The following SEMA6B variants were observed in gnomAD, a reference collection of about 807,000 sequenced individuals.
SEMA6B encodes semaphorin 6B.
In SEMA6B, 47 loss-of-function variants were observed where a neutral mutation model predicts 78.6. The observed-to-expected ratio is 0.60, with a 90% CI of 0.47 to 0.76. SEMA6B has a LOEUF of 0.76. Ranked by LOEUF, SEMA6B falls within the 30% of genes least tolerant of loss-of-function variation. The pLI is 0.00. For missense variants in SEMA6B, 1,213 were observed against 1,269.9 expected (o/e 0.96, Z 0.68); for synonymous variants, 632 against 592.2 (o/e 1.07, Z -0.98).
chr19:4,557,937 TC>T, intron 3 of SEMA6B, 88 bp downstream of exon 3: 1 of 1,159,168 alleles, frequency 8.6e-7, no homozygotes. Flanking sequence ...CACGACCTGC[TC>T]CATCCCCTCC....
chr19:4,547,066 C>T lies in SEMA6B; in HGVS notation c.1602-597G>A, dbSNP rs1210290609. 2.6e-5 allele frequency among the ~76,000 whole-genome samples: 4 copies of T among 151,814 alleles called. No homozygotes were observed. In the East Asian group the frequency reaches 7.7e-4, roughly 29 times the overall value. On this transcript the variant is annotated intron_variant, in intron 14 of 16. Coordinates refer to ENST00000586582, the MANE Select transcript of SEMA6B (RefSeq NM_032108.4). ...CCTCAACCTCCCAGGCTCAAGTGATCCTCCTGCCTCAGCTTTCTGGGTAGC... is the reference window on the plus strand; with the variant it reads ...CCTCAACCTCCCAGGCTCAAGTGATTCTCCTGCCTCAGCTTTCTGGGTAGC...
In SEMA6B at chr19:4,544,219, G is replaced by T; in HGVS notation, c.2049C>A (p.Pro683=). 3 of 1,274,726 alleles carry T rather than the reference G, an allele frequency of 2.4e-6. No homozygotes were observed. The highest frequency in any genetic ancestry group is 2.6e-5 in the South Asian group (1 of 39,156). The allele number at this position is 1,274,726 out of a possible 1,614,324, so 79.0% of individuals were successfully genotyped here. Residue 683 remains proline (P), a synonymous_variant, in exon 17 of 17, where the codon CCC becomes CCA. Coordinates refer to ENST00000586582, the MANE Select transcript of SEMA6B (RefSeq NM_032108.4). The surrounding 1 kb of genome is among the most constrained non-coding windows in gnomAD (Gnocchi z 5.1). ...CCTTGGCCCAGCCGTTCTGCATCAG[G>T]GGCGCCAGCAGGGCCTCCGGGGGAA... is the stretch of plus-strand genomic sequence containing the variant. ...AGVPPEALLA[P]LMQNGWAKAT...
chr19:4,546,527 TG>T, intron 14 of SEMA6B, 58 bp from the exon 15 acceptor site: 2 of 1,226,096 alleles, frequency 1.6e-6, no homozygotes, highest in Non-Finnish European at 1.1e-6. Context: ...ACAACCCCAA[TG>T]GTGATGGTGA....
intron 14 of SEMA6B, among the ~76,000 whole-genome samples, chr19:4,547,359 C>G (rs8105192): frequency 0.62 from 94,071 of 152,108 alleles, 30,489 homozygotes; most frequent in East Asian, 0.88. Flanking sequence ...AGCAAACTGA[C>G]GCTCCAGAAA....
In SEMA6B at chr19:4,544,545, A is replaced by T; in HGVS notation, c.1739-16T>A. ...CGCAGGAGTCCTGGCCGGGGAGCAC[A>T]GGGGGGTTAGTGGGGCCGGCGGGGT... On this transcript the variant is annotated splice_polypyrimidine_tract_variant and intron_variant, in intron 16 of 16. Transcript: ENST00000586582. The surrounding 1 kb of genome is among the most constrained non-coding windows in gnomAD (Gnocchi z 5.1). 1.4e-6 allele frequency: 2 copies of T among 1,472,698 alleles called. No homozygotes were observed. Among genetic ancestry groups the T allele is most frequent in the African/African-American group, 2.9e-5 (2 of 68,802 alleles). The allele number at this position is 1,472,698 out of a possible 1,614,324, so 91.2% of individuals were successfully genotyped here.
In SEMA6B at chr19:4,558,706, C is replaced by T. The variant is rs1222288112; in HGVS notation, c.-32-217G>A. On this transcript the variant is annotated intron_variant, in intron 1 of 16. Transcript: ENST00000586582. This position sits in a 1 kb window ranked among gnomAD's most constrained non-coding sequence, Gnocchi z 5.1. ...CACGTGTGCGTGAAAGCCCAGGAAACGACTTCAAACAAAACTGCATTCGGT... is the reference window on the plus strand; with the variant it reads ...CACGTGTGCGTGAAAGCCCAGGAAATGACTTCAAACAAAACTGCATTCGGT... Among the ~76,000 whole-genome samples, 3 of 152,082 alleles carry T rather than the reference C, an allele frequency of 2.0e-5. No homozygotes were observed. Among genetic ancestry groups the T allele is most frequent in the Non-Finnish European group, 4.4e-5 (3 of 68,036 alleles).
At chr19:4,556,189 T>C (rs951464167) in intron 5 of SEMA6B, 100 bp from the exon 6 acceptor site, 18 of 815,862 alleles carry the variant, frequency 2.2e-5, no homozygotes, top group African/African-American at 1.0e-4. Context: ...GGCCGGTCTG[T>C]TGTGGGCATG....
intron 10 of SEMA6B, among the ~76,000 whole-genome samples, chr19:4,551,762 G>A (rs983178544): frequency 2.4e-4 from 37 of 151,662 alleles, no homozygotes; most frequent in Non-Finnish European, 4.7e-4. Context: ...CCAGGAGGCA[G>A]AGGTTGTGGT....
rs563973181 is a variant in SEMA6B, at chr19:4,558,289, A to T, written c.121+48T>A. ...GCAGCAGACCCAACTGGGAACCCAG[A>T]TACTCCCACGGGACTCCACCCCCGC... is the stretch of plus-strand genomic sequence containing the variant. On this transcript the variant is annotated intron_variant, in intron 2 of 16. Transcript: ENST00000586582. This position sits in a 1 kb window ranked among gnomAD's most constrained non-coding sequence, Gnocchi z 5.1. The T allele has an allele frequency of 3.0e-6, 4 of 1,312,350 alleles. No homozygotes were observed. In the South Asian group the frequency reaches 1.1e-4, roughly 35 times the overall value. The allele number at this position is 1,312,350 out of a possible 1,614,324, so 81.3% of individuals were successfully genotyped here.
Position 4,550,364 on chromosome 19 carries a change from C to T in SEMA6B, c.1122-92G>A. ...AGGTACCCATTGCTTTGCCCAACGA[C>T]CCTCAGGTTTTTTGTTTGTTTTGTT... On this transcript the variant is annotated intron_variant, in intron 11 of 16. Transcript: ENST00000586582. The surrounding 1 kb of genome is among the most constrained non-coding windows in gnomAD (Gnocchi z 6.6). 3 of 1,404,906 alleles carry T rather than the reference C, an allele frequency of 2.1e-6. No individual in the cohort carries two copies. Among genetic ancestry groups the T allele is most frequent in the Non-Finnish European group, 2.9e-6 (3 of 1,019,776 alleles). The allele number at this position is 1,404,906 out of a possible 1,614,324, so 87.0% of individuals were successfully genotyped here. A position where few individuals can be genotyped will look rare whatever the true frequency, so the allele number is the denominator to read the frequency against.
Position 4,555,219 on chromosome 19 carries a change from G to A in SEMA6B, c.563-124C>T. 1 of 1,095,378 alleles carries A rather than the reference G, an allele frequency of 9.1e-7. No individual in the cohort carries two copies. Among genetic ancestry groups the A allele is most frequent in the Non-Finnish European group, 1.3e-6 (1 of 761,676 alleles). 67.9% of individuals were successfully genotyped at this position (1,095,378 alleles called of 1,614,324 possible). ...CTAGGGGAGCCCCTGTCTCCAGGCT[G>A]AGCCCTGATCCCATCCAAGCCCCAC... On this transcript the variant is annotated intron_variant, in intron 7 of 16. Transcript: ENST00000586582. This position sits in a 1 kb window ranked among gnomAD's most constrained non-coding sequence, Gnocchi z 6.1.
chr19:4,556,047 C>T lies in SEMA6B; in HGVS notation c.412G>A (p.Glu138Lys). Residue 138 changes from glutamate to lysine, a missense_variant, in exon 6 of 17, where the codon GAG becomes AAG. Transcript: ENST00000586582. ...GAACCGCACACAAAGAGCGTGGACTCGTCCCGAAGGAGCAGCACCTTTACG... is the reference window on the plus strand; with the variant it reads ...GAACCGCACACAAAGAGCGTGGACTTGTCCCGAAGGAGCAGCACCTTTACG... ...NFVKVLLLRD[E>K]STLFVCGSNA... 1 of 1,614,132 alleles carries T rather than the reference C, an allele frequency of 6.2e-7. No homozygotes were observed. The highest frequency in any genetic ancestry group is 2.2e-5 in the East Asian group (1 of 44,880).
chr19:4,557,309 A>T, intron 3 of SEMA6B, 86 bp from the exon 4 acceptor site: 1 of 914,842 alleles, frequency 1.1e-6, no homozygotes, highest in Non-Finnish European at 1.7e-6. Context: ...TGGTGTGCAC[A>T]CGGGGGCATG....
Position 4,552,016 on chromosome 19 carries a change from C to A in SEMA6B, c.989+406G>T, listed in dbSNP as rs1477154634. On this transcript the variant is annotated intron_variant, in intron 10 of 16. Transcript: ENST00000586582. The surrounding 1 kb of genome is among the most constrained non-coding windows in gnomAD (Gnocchi z 7.4). ...TCCCTGCTTTCCTGTTGTGCATTCTCCCCTAGTTCCCTTCCCACACAGACT... is the reference window on the plus strand; with the variant it reads ...TCCCTGCTTTCCTGTTGTGCATTCTACCCTAGTTCCCTTCCCACACAGACT... Among the ~76,000 whole-genome samples, 2 of 152,154 alleles carry A rather than the reference C, an allele frequency of 1.3e-5. No homozygotes were observed. Among genetic ancestry groups the A allele is most frequent in the African/African-American group, 2.4e-5 (1 of 41,428 alleles).
chr19:4,546,647 G>A (rs1977176487), intron 14 of SEMA6B, among the ~76,000 whole-genome samples, 178 bp from the exon 15 acceptor site: 1 of 152,008 alleles, frequency 6.6e-6, no homozygotes, highest in Non-Finnish European at 1.5e-5. Flanking sequence ...TTTTTGAGAT[G>A]GAATTTCGCT....
Position 4,555,397 on chromosome 19 carries a change from C to G in SEMA6B, c.562+77G>C. On this transcript the variant is annotated intron_variant, in intron 7 of 16. Coordinates refer to ENST00000586582, the MANE Select transcript of SEMA6B (RefSeq NM_032108.4). The surrounding 1 kb of genome is among the most constrained non-coding windows in gnomAD (Gnocchi z 6.1). ...GGTCGTCCAGCTGCCTTCTAAACAA[C>G]CCAGACGCTGGAGTAGAAAATGCCA... The G allele has an allele frequency of 1.5e-6, 2 of 1,327,994 alleles. No homozygotes were observed. Among genetic ancestry groups the G allele is most frequent in the South Asian group, 2.6e-5 (2 of 76,972 alleles). 82.3% of individuals were successfully genotyped at this position (1,327,994 alleles called of 1,614,324 possible).
rs1977415243 is a variant in SEMA6B at position 4,554,408 on chromosome 19, C to T, written c.751G>A (p.Glu251Lys). 1 of 1,613,958 alleles carries T rather than the reference C, an allele frequency of 6.2e-7. No individual in the cohort carries two copies. Among genetic ancestry groups the T allele is most frequent in the Non-Finnish European group, 8.5e-7 (1 of 1,179,930 alleles). Residue 251 changes from glutamate to lysine, a missense_variant, in exon 9 of 17, where the codon GAG (glutamate) becomes AAG (lysine). Glu to Lys is a moderately conservative substitution (Grantham distance 56). Coordinates refer to ENST00000586582, the MANE Select transcript of SEMA6B (RefSeq NM_032108.4). ...VYFFFREIAM[E>K]FNYLEKVVVS... Reference sequence around the variant, plus strand: ...CTCACCTTCTCCAGGTAGTTAAACTCCATCGCAATCTCCCGGAAGAAGAAG... The same window carrying T: ...CTCACCTTCTCCAGGTAGTTAAACTTCATCGCAATCTCCCGGAAGAAGAAG...
In SEMA6B at chr19:4,548,367, C is replaced by T; in HGVS notation, c.1350G>A (p.Glu450=). 6.2e-7 allele frequency: 1 copy of T among 1,613,912 alleles called. No individual in the cohort carries two copies. Among genetic ancestry groups the T allele is most frequent in the South Asian group, 1.1e-5 (1 of 91,092 alleles). ...CGAGGAACTTGAGGACCGTCCCCGC[C>T]TCAGAACCCAGGAAGACAACGGTCT... ...GNQTVVFLGS[E]AGTVLKFLVR... is the part of the protein sequence containing the mutation. The change falls in exon 13 of 17, where the codon GAG becomes GAA. Residue 450 remains glutamate (E), a synonymous_variant. Transcript: ENST00000586582.
chr19:4,552,737 G>A lies in SEMA6B; in HGVS notation c.772-98C>T. On this transcript the variant is annotated intron_variant, in intron 9 of 16. Transcript: ENST00000586582. The surrounding 1 kb of genome is among the most constrained non-coding windows in gnomAD (Gnocchi z 7.4). ...TCACCACCCAAACTGTGATGGAGGA[G>A]TCTGACCCTGGCTCTGGTGGGACCC... 1 of 1,180,814 alleles carries A rather than the reference G, an allele frequency of 8.5e-7. No homozygotes were observed. Among genetic ancestry groups the A allele is most frequent in the Non-Finnish European group, 1.2e-6 (1 of 849,602 alleles). The allele number at this position is 1,180,814 out of a possible 1,614,324, so 73.1% of individuals were successfully genotyped here. A position where few individuals can be genotyped will look rare whatever the true frequency, so the allele number is the denominator to read the frequency against.
Sources: allele counts gnomAD v4.1 joint callset (sites outside exome capture counted in the v4.1 genomes callset), GRCh38; gene constraint gnomAD v4.1.1; non-coding constraint Gnocchi (gnomAD v3.1); transcripts MANE v1.5; gene names NCBI Gene and HGNC (gene_info 2026-07-23, HGNC 2026-07-21).